Variants in FAM228A observed in about 807,000 individuals in gnomAD.
FAM228A encodes protein FAM228A.
A neutral mutation model predicts 18.6 loss-of-function variants in FAM228A; 13 were observed. The ratio of observed to expected loss-of-function variants is 0.70; its 90% CI spans 0.45 to 1.11. The LOEUF is 1.11. Among genes scored for constraint, FAM228A ranks in the 50% least tolerant of loss-of-function variants. FAM228A has a pLI of 0.00. For synonymous variants in FAM228A, 77 were observed against 86.6 expected (o/e 0.89, Z 0.61); for missense variants, 240 against 242.2 (o/e 0.99, Z 0.06).
chr2:24,188,521 G>A, intron 5 of FAM228A: 2 of 985,312 alleles, frequency 2.0e-6, no homozygotes, highest in Non-Finnish European at 2.4e-6. Flanking sequence ...TTGCCTCTTA[G>A]CGGGAGGGTG....
Position 24,183,271 on chromosome 2 carries a change from C to T in FAM228A, c.163-14C>T, listed in dbSNP as rs766378769. On this transcript the variant is annotated splice_polypyrimidine_tract_variant and intron_variant, in intron 3 of 5. Transcript: ENST00000295150. Reference sequence around the variant, plus strand: ...CTGCACTCTGGTACTCAAAGAGTCTCATTTCTCTTGTAGGTTACAGTCCCA... The same window carrying T: ...CTGCACTCTGGTACTCAAAGAGTCTTATTTCTCTTGTAGGTTACAGTCCCA... 6.3e-7 allele frequency: 1 copy of T among 1,590,928 alleles called. No homozygotes were observed. Among genetic ancestry groups the T allele is most frequent in the East Asian group, 2.2e-5 (1 of 44,760 alleles).
rs910117228 is a variant in FAM228A, at chr2:24,191,573, A to G, written c.*942A>G. On this transcript the variant is annotated 3_prime_UTR_variant, in exon 6 of 6. Coordinates refer to ENST00000295150, the MANE Select transcript of FAM228A (RefSeq NM_001040710.3). ...ATTTGCTATAGGTATTCATTGTGAA[A>G]TGTTTGCCACAGTCAAGCTTGTTGA... is the stretch of plus-strand genomic sequence containing the variant. The G allele has an allele frequency of 6.9e-6, 6 of 874,266 alleles. No homozygotes were observed. The Admixed American group carries it at 1.9e-4, about 27-fold the overall frequency. 54.2% of individuals were successfully genotyped at this position (874,266 alleles called of 1,614,324 possible).
Position 24,180,751 on chromosome 2 carries a change from G to A in FAM228A, c.163-2534G>A, listed in dbSNP as rs370943031. 1.7e-4 allele frequency among the ~76,000 whole-genome samples: 26 copies of A among 152,312 alleles called. No individual in the cohort carries two copies. The East Asian group carries it at 2.5e-3, about 15-fold the overall frequency. Reference sequence around the variant, plus strand: ...ACATCTCTCAGGCAAGAGAGGCTGTGCTTAGAGTGGGAAGCATCAGAGTCT... The same window carrying A: ...ACATCTCTCAGGCAAGAGAGGCTGTACTTAGAGTGGGAAGCATCAGAGTCT... On this transcript the variant is annotated intron_variant, in intron 3 of 5. Coordinates refer to ENST00000295150, the MANE Select transcript of FAM228A (RefSeq NM_001040710.3).
rs1667859809 is a variant in FAM228A at position 24,183,304 on chromosome 2, T to C, written c.182T>C (p.Val61Ala). Residue 61 changes from valine (V) to alanine (A), a missense_variant, in exon 4 of 6, where the codon GTT (valine) becomes GCT (alanine). Physicochemically the swap from Val to Ala is moderately conservative, Grantham distance 64. Coordinates refer to ENST00000295150, the MANE Select transcript of FAM228A (RefSeq NM_001040710.3). ...SIVKVTVPPF[V>A]DPLFQRQQEV... ...TTGTAGGTTACAGTCCCACCATTTG[T>C]TGATCCTCTGTTTCAAAGACAGCAA... The C allele has an allele frequency of 5.6e-6, 9 of 1,613,600 alleles. No individual in the cohort carries two copies. Among genetic ancestry groups the C allele is most frequent in the Non-Finnish European group, 6.8e-6 (8 of 1,179,536 alleles).
At position 24,183,344 on chromosome 2, in the gene FAM228A, G is replaced by C; in HGVS notation, c.222G>C (p.Glu74Asp). 5.0e-6 allele frequency: 8 copies of C among 1,613,994 alleles called. No homozygotes were observed. Among genetic ancestry groups the C allele is most frequent in the Non-Finnish European group, 6.8e-6 (8 of 1,179,850 alleles). ...LFQRQQEVDE[E>D]RRTGLQCETG... is the part of the protein sequence containing the mutation. Reference sequence around the variant, plus strand: ...AAAGACAGCAAGAGGTGGATGAAGAGAGGAGAACTGGTCTTCAGTGTGAGA... The same window carrying C: ...AAAGACAGCAAGAGGTGGATGAAGACAGGAGAACTGGTCTTCAGTGTGAGA... The change falls in exon 4 of 6, where the codon GAG (glutamate) becomes GAC (aspartate). Residue 74 changes from glutamate (E) to aspartate (D), a missense_variant. Transcript: ENST00000295150.
chr2:24,190,369 A>G (rs1668051354), intron 5 of FAM228A, 43 bp from the exon 6 acceptor site: 1 of 1,541,986 alleles, frequency 6.5e-7, no homozygotes, highest in African/African-American at 1.4e-5. Context: ...GTACAATTCC[A>G]TCTGTGCTGA....
chr2:24,180,291 C>A (rs373479424), intron 3 of FAM228A, among the ~76,000 whole-genome samples: 549 of 132,372 alleles, frequency 4.1e-3, no homozygotes, highest in Admixed American at 4.4e-3. Flanking sequence ...CCCGTCTGTA[C>A]AAAAAAAAAA....
chr2:24,175,160 C>A lies in FAM228A; in HGVS notation c.-29C>A. ...GAGCCGCGGGGCCTGCGACTTCCCC[C>A]GGAGCTGGCCTGAGGTGGGGCCCGG... is the stretch of plus-strand genomic sequence containing the variant. On this transcript the variant is annotated 5_prime_UTR_variant, in exon 1 of 6. Coordinates refer to ENST00000295150, the MANE Select transcript of FAM228A (RefSeq NM_001040710.3). The A allele has an allele frequency of 3.7e-6, 1 of 268,938 alleles. No individual in the cohort carries two copies. Among genetic ancestry groups the A allele is most frequent in the Non-Finnish European group, 7.1e-6 (1 of 141,382 alleles). 16.7% of individuals were successfully genotyped at this position (268,938 alleles called of 1,614,324 possible). A position where few individuals can be genotyped will look rare whatever the true frequency, so the allele number is the denominator to read the frequency against.
At chr2:24,181,416 C>T (rs984517885) in intron 3 of FAM228A, among the ~76,000 whole-genome samples, 3 of 152,118 alleles carry the variant, frequency 2.0e-5, no homozygotes, top group Non-Finnish European at 4.4e-5. Flanking sequence ...CAGAGTTTCG[C>T]TCTTGTTGCC....
At chr2:24,187,316 G>A (rs891908819) in intron 5 of FAM228A, among the ~76,000 whole-genome samples, 1 of 152,192 alleles carries the variant, frequency 6.6e-6, no homozygotes, top group South Asian at 2.1e-4. Context: ...TATGTTCACA[G>A]CAGACGTGAG....
chr2:24,188,554 C>T (rs1269402197), intron 5 of FAM228A: 1 of 985,226 alleles, frequency 1.0e-6, no homozygotes, highest in African/African-American at 1.7e-5. Context: ...AGGTTAAATA[C>T]CCACCTGTCA....
chr2:24,189,246 C>G (rs1348556198), intron 5 of FAM228A, among the ~76,000 whole-genome samples: 1 of 152,198 alleles, frequency 6.6e-6, no homozygotes, highest in Non-Finnish European at 1.5e-5. Flanking sequence ...ATGACAAAGC[C>G]CAGGCCCTCA....
At chr2:24,181,688 C>G (rs767251206) in intron 3 of FAM228A, among the ~76,000 whole-genome samples, 1 of 151,970 alleles carries the variant, frequency 6.6e-6, no homozygotes, top group Non-Finnish European at 1.5e-5. Flanking sequence ...GCCCGGCCTA[C>G]GATCCTTTTA....
rs144483560 is a variant in FAM228A at position 24,189,376 on chromosome 2, A to G, written c.402-1036A>G. On this transcript the variant is annotated intron_variant, in intron 5 of 5. Transcript: ENST00000295150. ...ATGAAAACCTCTGGGTCAAGTCAGC[A>G]CATTCTTAACTCCCTGACCTGCCAG... is the stretch of plus-strand genomic sequence containing the variant. Among the ~76,000 whole-genome samples the G allele has an allele frequency of 5.4e-3, 816 of 152,354 alleles. 3 individuals are homozygous for G. The highest frequency in any genetic ancestry group is 0.034 in the Middle Eastern group (10 of 294).
intron 3 of FAM228A, chr2:24,179,028 A>T (rs546468663): frequency 7.8e-6 from 4 of 515,394 alleles, no homozygotes; most frequent in South Asian, 5.5e-5. Context: ...GAGAGAACAA[A>T]TTTTTTTTTC....
chr2:24,178,328 G>A lies in FAM228A; in HGVS notation c.162+458G>A, dbSNP rs565016578. Among the ~76,000 whole-genome samples, 33 of 152,248 alleles carry A rather than the reference G, an allele frequency of 2.2e-4. No homozygotes were observed. In the Middle Eastern group the frequency reaches 0.01, roughly 47 times the overall value. On this transcript the variant is annotated intron_variant, in intron 3 of 5. Coordinates refer to ENST00000295150, the MANE Select transcript of FAM228A (RefSeq NM_001040710.3). ...CGGAGTTATAATAATACTTTGGGAG[G>A]CTGAAGCAAGAGTATTGCTTGAAAC...
chr2:24,190,080 G>A (rs1430903299), intron 5 of FAM228A, among the ~76,000 whole-genome samples: 2 of 152,188 alleles, frequency 1.3e-5, no homozygotes, highest in African/African-American at 2.4e-5. Context: ...CTGGCAAGTG[G>A]AGGCGCCGTT....
intron 5 of FAM228A, among the ~76,000 whole-genome samples, chr2:24,190,031 TTTC>T (rs1163407624): frequency 6.6e-6 from 1 of 152,190 alleles, no homozygotes; most frequent in Non-Finnish European, 1.5e-5. Flanking sequence ...TCTGTTTCTC[TTTC>T]TTTGCACATG....
intron 3 of FAM228A, among the ~76,000 whole-genome samples, chr2:24,182,269 G>A (rs1022137744): frequency 2.0e-5 from 3 of 152,156 alleles, no homozygotes; most frequent in African/African-American, 7.2e-5. Flanking sequence ...AAATATGTAT[G>A]GCTCTGAAGA....
Sources: allele counts gnomAD v4.1 joint callset (sites outside exome capture counted in the v4.1 genomes callset), GRCh38; gene constraint gnomAD v4.1.1; transcripts MANE v1.5; gene names NCBI Gene and HGNC (gene_info 2026-07-23, HGNC 2026-07-21).